Variants in GLCCI1 observed in about 807,000 individuals in gnomAD.
GLCCI1 encodes the protein glucocorticoid induced 1.
Under a neutral mutation model 52.2 loss-of-function variants are expected in GLCCI1, and 24 were observed. That is an observed-to-expected ratio of 0.46 (90% confidence interval 0.33 to 0.65). The LOEUF (loss-of-function observed/expected upper bound fraction) is 0.65. Ranked by LOEUF, GLCCI1 falls within the 30% of genes least tolerant of loss-of-function variation. The pLI, the probability that GLCCI1 is intolerant of heterozygous loss-of-function variation, is 0.02. For synonymous variants in GLCCI1, 310 were observed against 276.5 expected (o/e 1.12, Z -1.20); for missense variants, 704 against 701.5 (o/e 1.00, Z -0.04).
intron 5 of GLCCI1, among the ~76,000 whole-genome samples, chr7:8,061,705 T>C (rs774385166): frequency 8.5e-4 from 119 of 140,336 alleles, no homozygotes; most frequent in Non-Finnish European, 1.5e-3. Context: ...CTCGTTCTGT[T>C]GCCTAGGCTG....
chr7:8,071,404 T>C (rs551671947), intron 6 of GLCCI1, among the ~76,000 whole-genome samples: 1 of 152,284 alleles, frequency 6.6e-6, no homozygotes, highest in South Asian at 2.1e-4. Context: ...ATATAATGCA[T>C]AGGTCTTTTC....
At chr7:8,073,855 C>T (rs546992312) in intron 6 of GLCCI1, among the ~76,000 whole-genome samples, 1 of 152,264 alleles carries the variant, frequency 6.6e-6, no homozygotes, top group African/African-American at 2.4e-5. Flanking sequence ...CCATATTTAG[C>T]TGAGAGGCAT....
chr7:8,079,976 G>A (rs1027928821), intron 6 of GLCCI1, among the ~76,000 whole-genome samples: 1 of 151,494 alleles, frequency 6.6e-6, no homozygotes, highest in African/African-American at 2.4e-5. Context: ...CTCACAAGGT[G>A]TTAACTTTGA....
Position 8,004,049 on chromosome 7 carries a change from A to G in GLCCI1, c.599A>G (p.Lys200Arg), listed in dbSNP as rs1392890927. 1 of 1,612,656 alleles carries G rather than the reference A, an allele frequency of 6.2e-7. No individual in the cohort carries two copies. Among genetic ancestry groups the G allele is most frequent in the South Asian group, 1.1e-5 (1 of 90,878 alleles). The change falls in exon 2 of 8, where the codon AAA becomes AGA. Residue 200 changes from lysine to arginine, a missense_variant. By Grantham distance (26) the Lys-to-Arg change is conservative. Coordinates refer to ENST00000223145, the MANE Select transcript of GLCCI1 (RefSeq NM_138426.4). Reference sequence around the variant, plus strand: ...CACTACCCTTCATGCATGAAAGACAAAGCTACTCAGGTAAAATCAGGAAAT... The same window carrying G: ...CACTACCCTTCATGCATGAAAGACAGAGCTACTCAGGTAAAATCAGGAAAT... ...HVHYPSCMKDKATQTPSCWAE... is the reference protein window; with the variant it reads ...HVHYPSCMKDRATQTPSCWAE...
At chr7:8,032,124 T>C (rs923473823) in intron 3 of GLCCI1, among the ~76,000 whole-genome samples, 3 of 152,002 alleles carry the variant, frequency 2.0e-5, no homozygotes, top group Admixed American at 2.0e-4. Flanking sequence ...CACTGCAGAA[T>C]AGCAGAAAGA....
Position 8,070,910 on chromosome 7 carries a change from T to A in GLCCI1, c.967-11T>A, listed in dbSNP as rs1352113457. 1 of 1,610,300 alleles carries A rather than the reference T, an allele frequency of 6.2e-7. No homozygotes were observed. The highest frequency in any genetic ancestry group is 1.7e-5 in the Admixed American group (1 of 59,982). ...CCAGCATTTGGATGTTTAATGGTAT[T>A]CCTCTTACAGCCGTTGGACATACCA... On this transcript the variant is annotated splice_polypyrimidine_tract_variant and intron_variant, in intron 5 of 7. Transcript: ENST00000223145.
intron 1 of GLCCI1, among the ~76,000 whole-genome samples, chr7:8,001,285 C>T (rs1275960306): frequency 1.3e-5 from 2 of 152,134 alleles, no homozygotes; most frequent in Non-Finnish European, 2.9e-5. Flanking sequence ...TTTTATTTCT[C>T]CTTCACTTAT....
intron 6 of GLCCI1, among the ~76,000 whole-genome samples, chr7:8,077,830 G>A (rs945381573): frequency 4.6e-5 from 7 of 152,150 alleles, no homozygotes; most frequent in African/African-American, 1.7e-4. Context: ...CTTTATATGG[G>A]CATTCAGCTG....
At chr7:7,992,342 G>C (rs974663769) in intron 1 of GLCCI1, among the ~76,000 whole-genome samples, 26 of 151,964 alleles carry the variant, frequency 1.7e-4, no homozygotes, top group African/African-American at 6.0e-4. Flanking sequence ...CAAAGGTGCT[G>C]GCTCAATGAC....
chr7:8,032,789 C>T (rs1187436080), intron 3 of GLCCI1, among the ~76,000 whole-genome samples: 1 of 151,798 alleles, frequency 6.6e-6, no homozygotes, highest in East Asian at 1.9e-4. Flanking sequence ...CAGAGACTAT[C>T]CCGGGGTCAC....
intron 3 of GLCCI1, among the ~76,000 whole-genome samples, chr7:8,039,346 C>G (rs779726712): frequency 6.6e-6 from 1 of 151,926 alleles, no homozygotes; most frequent in South Asian, 2.1e-4. Context: ...ATTAAGTTCA[C>G]GGTAGCAAAG....
intron 7 of GLCCI1, among the ~76,000 whole-genome samples, chr7:8,085,691 A>G (rs1015537340): frequency 5.3e-5 from 8 of 151,910 alleles, no homozygotes; most frequent in Admixed American, 2.0e-4. Flanking sequence ...GGGCTTGTGG[A>G]CCCAACCTCT....
intron 4 of GLCCI1, among the ~76,000 whole-genome samples, chr7:8,057,738 T>G (rs1469385472): frequency 3.3e-5 from 5 of 152,198 alleles, no homozygotes; most frequent in Non-Finnish European, 5.9e-5. Context: ...CTTCTTAATC[T>G]GATACAATTA....
Position 8,077,410 on chromosome 7 carries a change from T to C in GLCCI1, c.1177+6279T>C, listed in dbSNP as rs541070274. Among the ~76,000 whole-genome samples, 3 of 152,312 alleles carry C rather than the reference T, an allele frequency of 2.0e-5. No individual in the cohort carries two copies. In the East Asian group the frequency reaches 5.8e-4, roughly 29 times the overall value. Reference sequence around the variant, plus strand: ...GAAGGAACTTGATCATCTAGTCAGCTCCTCACATCTCTAATAAAGACACTG... The same window carrying C: ...GAAGGAACTTGATCATCTAGTCAGCCCCTCACATCTCTAATAAAGACACTG... On this transcript the variant is annotated intron_variant, in intron 6 of 7. Transcript: ENST00000223145.
At chr7:8,044,836 T>C (rs1782086062) in intron 3 of GLCCI1, among the ~76,000 whole-genome samples, 2 of 152,248 alleles carry the variant, frequency 1.3e-5, no homozygotes, top group South Asian at 2.1e-4. Flanking sequence ...AAATACATTT[T>C]ATCTACATTT....
At chr7:7,971,640 A>G (rs1325329084) in intron 1 of GLCCI1, among the ~76,000 whole-genome samples, 1 of 152,196 alleles carries the variant, frequency 6.6e-6, no homozygotes, top group African/African-American at 2.4e-5. Context: ...ACAACGGATA[A>G]TAGTACAACT....
intron 3 of GLCCI1, chr7:8,022,821 C>T (rs961413785): frequency 4.5e-5 from 9 of 198,768 alleles, no homozygotes; most frequent in Middle Eastern, 4.0e-3. Flanking sequence ...GTGTATTTTG[C>T]GTCTTTTATA....
chr7:8,038,207 C>T (rs1265477067), intron 3 of GLCCI1, among the ~76,000 whole-genome samples: 1 of 152,026 alleles, frequency 6.6e-6, no homozygotes, highest in Non-Finnish European at 1.5e-5. Flanking sequence ...AAATTGCCAC[C>T]TACATATTCA....
intron 1 of GLCCI1, among the ~76,000 whole-genome samples, chr7:7,975,035 C>T (rs934932338): frequency 6.6e-6 from 1 of 152,230 alleles, no homozygotes; most frequent in East Asian, 1.9e-4. Context: ...AACACAAGTA[C>T]TCATATATTG....
Sources: gnomAD v4.1 joint callset for allele counts (sites outside exome capture counted in the v4.1 genomes callset) on GRCh38, gnomAD v4.1.1 for gene constraint, MANE v1.5 for transcripts, NCBI Gene and HGNC (gene_info 2026-07-23, HGNC 2026-07-21) for gene names.